The following CDH8 variants were observed in gnomAD, a reference collection of about 807,000 sequenced individuals.
CDH8 encodes the protein cadherin 8.
A neutral mutation model predicts 68.1 loss-of-function variants in CDH8; 17 were observed. That is an observed-to-expected ratio of 0.25 (90% CI 0.17 to 0.37). The LOEUF is 0.37. CDH8 is among the 10% of genes least tolerant of loss of function. The pLI is 1.00. For missense variants in CDH8, 763 were observed against 999.3 expected, an observed-to-expected ratio of 0.76 and a Z score of 3.19; for synonymous variants, 372 against 365.1, an observed-to-expected ratio of 1.02 and a Z score of -0.21.
chr16:61,859,952 C>A (rs1963120517), intron 3 of CDH8, among the ~76,000 whole-genome samples: 1 of 152,148 alleles, frequency 6.6e-6, no homozygotes, highest in Non-Finnish European at 1.5e-5. Flanking sequence ...TCAGGCGATT[C>A]TCCTGCCTCA....
Position 61,878,503 on chromosome 16 carries a change from G to A in CDH8, c.548-21265C>T, listed in dbSNP as rs201517434. ...TATTTGCTATAAGACTCTCAAGACA[G>A]TTAGTAAAAGCAAAACAAAACAAAA... On this transcript the variant is annotated intron_variant, in intron 3 of 11. Transcript: ENST00000577390. Among the ~76,000 whole-genome samples, 10 of 152,240 alleles carry A rather than the reference G, an allele frequency of 6.6e-5. No homozygotes were observed. The East Asian group carries it at 1.9e-3, about 29-fold the overall frequency.
At chr16:61,992,050 T>TTGTGTGTGTGTGTGTGTGTGTGTG (rs11271459) in intron 2 of CDH8, among the ~76,000 whole-genome samples, 1 of 144,322 alleles carries the variant, frequency 6.9e-6, no homozygotes, top group African/African-American at 2.6e-5. Context: ...TGCTAAATCT[T>TTGTGTGTGTGTGTGTGTGTGTGTG]TGTGTGTGTG....
At chr16:61,754,154 C>T (rs1270632578) in intron 8 of CDH8, among the ~76,000 whole-genome samples, 1 of 152,098 alleles carries the variant, frequency 6.6e-6, no homozygotes, top group Non-Finnish European at 1.5e-5. Context: ...AGCTTCCACA[C>T]AAAAACTTAT....
At chr16:61,757,364 T>G (rs1476416460) in intron 8 of CDH8, among the ~76,000 whole-genome samples, 2 of 152,074 alleles carry the variant, frequency 1.3e-5, no homozygotes, top group Non-Finnish European at 2.9e-5. Flanking sequence ...GTATTTAAGA[T>G]GTATTTTATA....
chr16:61,774,567 A>G (rs906001666), intron 8 of CDH8, among the ~76,000 whole-genome samples: 1 of 151,890 alleles, frequency 6.6e-6, no homozygotes, highest in Non-Finnish European at 1.5e-5. Context: ...TTAAAAAAAG[A>G]TCCTCCCTGC....
In CDH8 at chr16:61,651,919, G is replaced by T; in HGVS notation, c.*1689C>A. The T allele has an allele frequency of 4.7e-6, 1 of 210,666 alleles. No individual in the cohort carries two copies. 13.0% of individuals were successfully genotyped at this position (210,666 alleles called of 1,614,324 possible). A position where few individuals can be genotyped will look rare whatever the true frequency, so the allele number is the denominator to read the frequency against. On this transcript the variant is annotated 3_prime_UTR_variant, in exon 12 of 12. Transcript: ENST00000577390. Reference sequence around the variant, plus strand: ...TACAAACAAAAGTGACCCTTGGGATGATTTGGTTGAGTATTCTAGAATTTT... The same window carrying T: ...TACAAACAAAAGTGACCCTTGGGATTATTTGGTTGAGTATTCTAGAATTTT...
chr16:61,761,692 T>G (rs1159604997), intron 8 of CDH8, among the ~76,000 whole-genome samples: 1 of 152,126 alleles, frequency 6.6e-6, no homozygotes, highest in Non-Finnish European at 1.5e-5. Flanking sequence ...ATATTCCATT[T>G]GTATAACATT....
At position 61,941,386 on chromosome 16, in the gene CDH8, C is replaced by T. The variant is rs147016431; in HGVS notation, c.253-39913G>A. On this transcript the variant is annotated intron_variant, in intron 2 of 11. Coordinates refer to ENST00000577390, the MANE Select transcript of CDH8 (RefSeq NM_001796.5). ...AATAAGTAAAACAAAGCGTCATATT[C>T]TCCCTTGAAATACTCTCTTTTTCTT... 1.6e-3 allele frequency among the ~76,000 whole-genome samples: 250 copies of T among 152,306 alleles called. 1 individual carries two copies. Among genetic ancestry groups the T allele is most frequent in the Non-Finnish European group, 2.5e-3 (167 of 68,032 alleles).
chr16:61,987,791 T>C (rs1326705563), intron 2 of CDH8, among the ~76,000 whole-genome samples: 1 of 151,950 alleles, frequency 6.6e-6, no homozygotes, highest in Non-Finnish European at 1.5e-5. Flanking sequence ...CCGTATATAG[T>C]TTCTGTTTGG....
chr16:61,942,241 C>T (rs947452338), intron 2 of CDH8, among the ~76,000 whole-genome samples: 1 of 152,122 alleles, frequency 6.6e-6, no homozygotes, highest in African/African-American at 2.4e-5. Flanking sequence ...CACCTGTAAT[C>T]CCAGTACTTG....
intron 2 of CDH8, among the ~76,000 whole-genome samples, chr16:61,910,516 G>A (rs1021919975): frequency 2.6e-5 from 4 of 152,038 alleles, no homozygotes; most frequent in African/African-American, 9.7e-5. Context: ...AGTCTGATAA[G>A]AAATAGAGGT....
chr16:61,936,942 C>T (rs973230072), intron 2 of CDH8, among the ~76,000 whole-genome samples: 2 of 152,112 alleles, frequency 1.3e-5, no homozygotes, highest in African/African-American at 2.4e-5. Flanking sequence ...AATAAAATCA[C>T]GTATCTCTGG....
rs1405185666 is a variant in CDH8 at position 61,697,369 on chromosome 16, C to T, written c.1654+16472G>A. ...GACAGAGAATGGCTCAGTTGGGTCACATGTTCACCACCGAGGCCAAACATA... is the reference window on the plus strand; with the variant it reads ...GACAGAGAATGGCTCAGTTGGGTCATATGTTCACCACCGAGGCCAAACATA... On this transcript the variant is annotated intron_variant, in intron 10 of 11. Coordinates refer to ENST00000577390, the MANE Select transcript of CDH8 (RefSeq NM_001796.5). 5.3e-5 allele frequency among the ~76,000 whole-genome samples: 8 copies of T among 152,118 alleles called. No homozygotes were observed. The East Asian group carries it at 1.5e-3, about 29-fold the overall frequency.
intron 8 of CDH8, among the ~76,000 whole-genome samples, chr16:61,763,722 A>T (rs926787657): frequency 2.0e-5 from 3 of 152,164 alleles, no homozygotes; most frequent in African/African-American, 4.8e-5. Context: ...CATAGAGTAG[A>T]TAGATTTCAA....
chr16:61,762,820 A>G (rs936776264), intron 8 of CDH8, among the ~76,000 whole-genome samples: 1 of 152,168 alleles, frequency 6.6e-6, no homozygotes, highest in African/African-American at 2.4e-5. Context: ...AGTCAGCATC[A>G]CCTAGAGGCT....
chr16:61,974,382 T>A (rs569381418), intron 2 of CDH8, among the ~76,000 whole-genome samples: 1 of 152,256 alleles, frequency 6.6e-6, no homozygotes, highest in East Asian at 1.9e-4. Context: ...TATAACAGCA[T>A]CTGGTTTATT....
intron 10 of CDH8, among the ~76,000 whole-genome samples, chr16:61,709,635 AT>A (rs1964592125): frequency 6.6e-6 from 1 of 152,054 alleles, no homozygotes; most frequent in Non-Finnish European, 1.5e-5. Context: ...ATTTAGAACA[AT>A]TTTATATGCT....
At chr16:61,946,463 G>A (rs762399141) in intron 2 of CDH8, among the ~76,000 whole-genome samples, 17 of 152,174 alleles carry the variant, frequency 1.1e-4, no homozygotes, top group Non-Finnish European at 2.1e-4. Flanking sequence ...AGTATTCTTG[G>A]AGAAGCAATT....
intron 4 of CDH8, among the ~76,000 whole-genome samples, chr16:61,844,772 A>G (rs1388542317): frequency 6.6e-6 from 1 of 152,194 alleles, no homozygotes; most frequent in African/African-American, 2.4e-5. Flanking sequence ...CTATTACAGG[A>G]TAACTAAGGA....
Sources: allele counts gnomAD v4.1 joint callset (sites outside exome capture counted in the v4.1 genomes callset), GRCh38; gene constraint gnomAD v4.1.1; transcripts MANE v1.5; gene names NCBI Gene and HGNC (gene_info 2026-07-23, HGNC 2026-07-21).